OSBPL5: variants seen among roughly 807,000 people sequenced by gnomAD.
OSBPL5 encodes oxysterol binding protein like 5.
A neutral mutation model predicts 111.2 loss-of-function variants in OSBPL5; 71 were observed. The ratio of observed to expected loss-of-function variants is 0.64; its 90% CI spans 0.53 to 0.78. The LOEUF (loss-of-function observed/expected upper bound fraction) is 0.78, where lower values mean the gene tolerates loss of function less well. OSBPL5 is among the 30% of genes least tolerant of loss of function. The pLI is 0.00. For missense variants in OSBPL5, 1,210 were observed against 1,189.3 expected (o/e 1.02, Z -0.26); for synonymous variants, 549 against 513.9 (o/e 1.07, Z -0.93).
intron 10 of OSBPL5, among the ~76,000 whole-genome samples, chr11:3,103,787 CCTTCCTGCCTCTG>C (rs1857568867): frequency 1.6e-5 from 1 of 63,828 alleles, no homozygotes; most frequent in African/African-American, 4.5e-5. Context: ...CTCTGCAGTC[CCTTCCTGCCTCTG>C]CAGCCCTCTT....
At chr11:3,153,611 C>G (rs1042210525) in intron 1 of OSBPL5, among the ~76,000 whole-genome samples, 1 of 151,422 alleles carries the variant, frequency 6.6e-6, no homozygotes. Flanking sequence ...CAGGAACAGG[C>G]GCCCACCAGA....
rs1455510446 is a variant in OSBPL5, at chr11:3,120,697, G to A, written c.403-73C>T. ...CCCTGGGGCATCTTGATGGCTTGGC[G>A]GGGAGCCAGGCACAGACCAGGGTGG... On this transcript the variant is annotated intron_variant, in intron 5 of 21. Transcript: ENST00000263650. The A allele has an allele frequency of 2.1e-5, 33 of 1,538,108 alleles. No individual in the cohort carries two copies. In the South Asian group the frequency reaches 2.7e-4, roughly 12 times the overall value.
At chr11:3,090,428 G>T (rs1328590329) in intron 20 of OSBPL5, 130 bp downstream of exon 20, 1 of 1,306,400 alleles carries the variant, frequency 7.7e-7, no homozygotes. Flanking sequence ...CCTCAGGGCA[G>T]CAGAGGAGCT....
rs1210097581 is a variant in OSBPL5 at position 3,104,429 on chromosome 11, G to T, written c.1060-52C>A. The T allele has an allele frequency of 4.4e-6, 7 of 1,582,574 alleles. No individual in the cohort carries two copies. Among genetic ancestry groups the T allele is most frequent in the Non-Finnish European group, 6.0e-6 (7 of 1,171,004 alleles). ...CCTGCCCGGAAGAGCCGGGAGGAAGGGGTGGCGGGACAGTGGCAGCTCTGG... is the reference window on the plus strand; with the variant it reads ...CCTGCCCGGAAGAGCCGGGAGGAAGTGGTGGCGGGACAGTGGCAGCTCTGG... On this transcript the variant is annotated intron_variant, in intron 9 of 21. Transcript: ENST00000263650. The surrounding 1 kb of genome is among the most constrained non-coding windows in gnomAD (Gnocchi z 5.0).
rs760851794 is a variant in OSBPL5, at chr11:3,105,267, G to A, written c.1060-890C>T. Among the ~76,000 whole-genome samples the A allele has an allele frequency of 2.0e-5, 3 of 152,216 alleles. No homozygotes were observed. Among genetic ancestry groups the A allele is most frequent in the Non-Finnish European group, 4.4e-5 (3 of 68,032 alleles). On this transcript the variant is annotated intron_variant, in intron 9 of 21. Coordinates refer to ENST00000263650, the MANE Select transcript of OSBPL5 (RefSeq NM_020896.4). The surrounding 1 kb of genome is among the most constrained non-coding windows in gnomAD (Gnocchi z 5.2). Reference sequence around the variant, plus strand: ...CCCCAGGGAGCGGGCAAGATGGAGTGTGGCCTGTGAGTCCTGCATCAGGAT... The same window carrying A: ...CCCCAGGGAGCGGGCAAGATGGAGTATGGCCTGTGAGTCCTGCATCAGGAT...
chr11:3,097,930 T>C (rs1463831955), intron 14 of OSBPL5, among the ~76,000 whole-genome samples: 2 of 152,030 alleles, frequency 1.3e-5, no homozygotes, highest in Non-Finnish European at 2.9e-5. Flanking sequence ...TTGCTGGGCG[T>C]GGTGGCGGGC....
intron 1 of OSBPL5, among the ~76,000 whole-genome samples, chr11:3,131,868 TCCATCCATCCAC>T (rs1323681841): frequency 8.0e-5 from 7 of 87,442 alleles, no homozygotes; most frequent in African/African-American, 2.9e-4. Context: ...CATCCATCCA[TCCATCCATCCAC>T]CCATCCACCC....
At chr11:3,143,018 AG>A in intron 1 of OSBPL5, among the ~76,000 whole-genome samples, 1 of 58,118 alleles carries the variant, frequency 1.7e-5, no homozygotes, top group Non-Finnish European at 3.6e-5. Context: ...AGGGGGGCAG[AG>A]GAGGCAGGTG....
At position 3,113,548 on chromosome 11, in the gene OSBPL5, G is replaced by C. The variant is rs10833262; in HGVS notation, c.692-5603C>G. On this transcript the variant is annotated intron_variant, in intron 7 of 21. Transcript: ENST00000263650. This position sits in a 1 kb window ranked among gnomAD's most constrained non-coding sequence, Gnocchi z 4.8. ...CAGGCACCTGTAATCCCAGCTACTC[G>C]TGAGGCTGAGGCAGGAGAATTGCTT... 2.6e-5 allele frequency among the ~76,000 whole-genome samples: 4 copies of C among 151,954 alleles called. No individual in the cohort carries two copies. Among genetic ancestry groups the C allele is most frequent in the South Asian group, 2.1e-4 (1 of 4,810 alleles).
rs894008221 is a variant in OSBPL5, at chr11:3,106,117, G to A, written c.1059+1146C>T. On this transcript the variant is annotated intron_variant, in intron 9 of 21. Transcript: ENST00000263650. This position sits in a 1 kb window ranked among gnomAD's most constrained non-coding sequence, Gnocchi z 8.4. Reference sequence around the variant, plus strand: ...GGCCCATCCTAACCTTCCCATCCCCGCACAGGAGCCTGAGCTCTGTGGGAA... The same window carrying A: ...GGCCCATCCTAACCTTCCCATCCCCACACAGGAGCCTGAGCTCTGTGGGAA... Among the ~76,000 whole-genome samples the A allele has an allele frequency of 1.3e-5, 2 of 151,820 alleles. No homozygotes were observed. Among genetic ancestry groups the A allele is most frequent in the East Asian group, 3.9e-4 (2 of 5,138 alleles).
intron 1 of OSBPL5, among the ~76,000 whole-genome samples, chr11:3,164,630 A>ATGG (rs1847056877): frequency 6.6e-6 from 1 of 152,172 alleles, no homozygotes; most frequent in Admixed American, 6.5e-5. Flanking sequence ...TGCCCCAGAG[A>ATGG]TGGGGGCTGT....
At chr11:3,088,441 GGACACAGGGCCGA>G in intron 21 of OSBPL5, 98 bp from the exon 22 acceptor site, 1 of 1,311,504 alleles carries the variant, frequency 7.6e-7, no homozygotes, top group South Asian at 2.0e-5. Flanking sequence ...ACCAGGTGCT[GGACACAGGGCCGA>G]GGTGGAGATG....
At chr11:3,100,406 C>T (rs1857412995) in intron 13 of OSBPL5, 150 bp from the exon 14 acceptor site, 2 of 657,718 alleles carry the variant, frequency 3.0e-6, no homozygotes, top group Non-Finnish European at 5.5e-6. Context: ...GTCACTTAAC[C>T]TCTCTGGGCC....
intron 1 of OSBPL5, among the ~76,000 whole-genome samples, chr11:3,137,341 G>A (rs1845977649): frequency 6.6e-6 from 1 of 152,212 alleles, no homozygotes; most frequent in Admixed American, 6.5e-5. Context: ...CTTCAGCTGT[G>A]GCAGCTGGGC....
chr11:3,092,620 TGGCCCA>T lies in OSBPL5; in HGVS notation c.2133-68_2133-63del. ...TGGCCCTCAGGTGAGGGGGCTGTCCTGGCCCAGTCTTCAGCCCCCCAACAGTGGCCA... is the reference window on the plus strand; with the variant it reads ...TGGCCCTCAGGTGAGGGGGCTGTCCTGTCTTCAGCCCCCCAACAGTGGCCA... On this transcript the variant is annotated intron_variant, in intron 18 of 21. Coordinates refer to ENST00000263650, the MANE Select transcript of OSBPL5 (RefSeq NM_020896.4). This position sits in a 1 kb window ranked among gnomAD's most constrained non-coding sequence, Gnocchi z 5.4. 1.3e-6 allele frequency: 2 copies of T among 1,491,370 alleles called. No individual in the cohort carries two copies. The highest frequency in any genetic ancestry group is 1.8e-6 in the Non-Finnish European group (2 of 1,111,376). The allele number at this position is 1,491,370 out of a possible 1,614,324, so 92.4% of individuals were successfully genotyped here. A position where few individuals can be genotyped will look rare whatever the true frequency, so the allele number is the denominator to read the frequency against.
chr11:3,090,683 T>C lies in OSBPL5; in HGVS notation c.2273A>G (p.Asp758Gly), dbSNP rs146629770. Reference protein sequence around the residue: ...PGPRHERSGPDQRLRKASDQP... With the variant: ...PGPRHERSGPGQRLRKASDQP... ...GTCGCTGGCCTTGCGAAGCCGCTGG[T>C]CTGGGCCAGACCTCTGCAGAGAAAT... The change falls in exon 20 of 22, where the codon GAC becomes GGC. Residue 758 changes from aspartate to glycine, a missense_variant. Physicochemically the swap from Asp to Gly is moderately conservative, Grantham distance 94 (BLOSUM62 -1). Transcript: ENST00000263650. 2.6e-5 allele frequency: 42 copies of C among 1,611,504 alleles called. No homozygotes were observed. In the African/African-American group the frequency reaches 5.2e-4, roughly 20 times the overall value.
intron 1 of OSBPL5, among the ~76,000 whole-genome samples, chr11:3,151,453 A>G (rs1846582858): frequency 6.6e-6 from 1 of 152,192 alleles, no homozygotes; most frequent in Non-Finnish European, 1.5e-5. Context: ...CACTTCACAC[A>G]GCAGGTGACC....
chr11:3,088,221 T>C lies in OSBPL5; in HGVS notation c.2624A>G (p.Asn875Ser), dbSNP rs1856937510. 1.3e-6 allele frequency: 2 copies of C among 1,598,036 alleles called. No individual in the cohort carries two copies. Among genetic ancestry groups the C allele is most frequent in the South Asian group, 1.1e-5 (1 of 88,520 alleles). Residue 875 changes from asparagine (N) to serine (S), a missense_variant, in exon 22 of 22, where the codon AAC becomes AGC. By Grantham distance (46) the Asn-to-Ser change is conservative. Coordinates refer to ENST00000263650, the MANE Select transcript of OSBPL5 (RefSeq NM_020896.4). ...CVFLACQLFINHILK is the reference protein window; with the variant it reads ...CVFLACQLFISHILK ...TCAGGGCTCCTATTTGAGGATGTGG[T>C]TAATGAACAGCTGACACGCCAGGAA...
In OSBPL5 at chr11:3,162,067, T is replaced by C. The variant is rs1050243488; in HGVS notation, c.-22+3149A>G. Among the ~76,000 whole-genome samples, 1 of 152,090 alleles carries C rather than the reference T, an allele frequency of 6.6e-6. No homozygotes were observed. The highest frequency in any genetic ancestry group is 2.4e-5 in the African/African-American group (1 of 41,414). On this transcript the variant is annotated intron_variant, in intron 1 of 21. Coordinates refer to ENST00000263650, the MANE Select transcript of OSBPL5 (RefSeq NM_020896.4). The surrounding 1 kb of genome is among the most constrained non-coding windows in gnomAD (Gnocchi z 8.1). ...TGGGGTCTGGAAAGGGGTCAGGACTTACTGAGACCCATGGCAAATCTCAAA... is the reference window on the plus strand; with the variant it reads ...TGGGGTCTGGAAAGGGGTCAGGACTCACTGAGACCCATGGCAAATCTCAAA...
Sources: gnomAD v4.1 joint callset for allele counts (sites outside exome capture counted in the v4.1 genomes callset) on GRCh38, gnomAD v4.1.1 for gene constraint, Gnocchi (gnomAD v3.1) non-coding constraint, MANE v1.5 for transcripts, NCBI Gene and HGNC (gene_info 2026-07-23, HGNC 2026-07-21) for gene names.